Variants in CDH11 observed in about 807,000 individuals in gnomAD.
CDH11 encodes the protein cadherin 11, also known as cadherin-11.
A neutral mutation model predicts 67.8 loss-of-function variants in CDH11; 11 were observed. The observed-to-expected ratio is 0.16, with a 90% CI of 0.10 to 0.27. CDH11 has a LOEUF of 0.27. Ranked by LOEUF, CDH11 falls within the 10% of genes least tolerant of loss-of-function variation. The pLI, the probability that CDH11 is intolerant of heterozygous loss-of-function variation, is 1.00. For missense variants in CDH11, 847 were observed against 1,031.2 expected, an observed-to-expected ratio of 0.82 and a Z score of 2.45; for synonymous variants, 419 against 400.0, an observed-to-expected ratio of 1.05 and a Z score of -0.57.
chr16:65,079,505 G>A (rs904493325), intron 1 of CDH11, among the ~76,000 whole-genome samples: 4 of 152,192 alleles, frequency 2.6e-5, no homozygotes, highest in Admixed American at 2.6e-4. Context: ...ATGTGTGTGT[G>A]TGTGTTTGTG....
Position 65,108,092 on chromosome 16 carries a change from G to A in CDH11, c.-298+13788C>T, listed in dbSNP as rs544898043. 8.1e-4 allele frequency among the ~76,000 whole-genome samples: 123 copies of A among 152,226 alleles called. 1 individual carries two copies. The highest frequency in any genetic ancestry group is 2.9e-3 in the African/African-American group (120 of 41,542). On this transcript the variant is annotated intron_variant, in intron 1 of 12. Coordinates refer to ENST00000268603, the MANE Select transcript of CDH11 (RefSeq NM_001797.4). The stretch of plus-strand genomic sequence containing the variant: ...CCAATAAGAAAAGGACACTAGGCAC[G>A]TCTCTCTGTAAGTGAAAACTGTTGC...
chr16:65,044,588 G>A (rs1298373222), intron 2 of CDH11, among the ~76,000 whole-genome samples: 1 of 152,074 alleles, frequency 6.6e-6, no homozygotes, highest in East Asian at 1.9e-4. Context: ...CAGGGTCTAG[G>A]AGCCCCTGCT....
rs2071213312 is a variant in CDH11, at chr16:64,947,046, A to G, written c.*557T>C. On this transcript the variant is annotated 3_prime_UTR_variant, in exon 13 of 13. Coordinates refer to ENST00000268603, the MANE Select transcript of CDH11 (RefSeq NM_001797.4). ...TAGTTTAAGATGAAAGTAGAAGCAA[A>G]AAGATTTACAAGAATCAGCAGTAAC... 2 of 1,031,404 alleles carry G rather than the reference A, an allele frequency of 1.9e-6. No individual in the cohort carries two copies. The highest frequency in any genetic ancestry group is 9.2e-5 in the South Asian group (2 of 21,680). The allele number at this position is 1,031,404 out of a possible 1,614,324, so 63.9% of individuals were successfully genotyped here.
chr16:65,035,019 G>C (rs1350419699), intron 2 of CDH11, among the ~76,000 whole-genome samples: 2 of 152,260 alleles, frequency 1.3e-5, no homozygotes, highest in African/African-American at 4.8e-5. Flanking sequence ...ACTGACCCGA[G>C]AGGCCTGAAG....
chr16:65,068,206 G>A (rs1597154368), intron 1 of CDH11, among the ~76,000 whole-genome samples: 2 of 142,648 alleles, frequency 1.4e-5, no homozygotes, highest in South Asian at 4.6e-4. Context: ...GAGAAGAAGG[G>A]AAAGAGGAAG....
In CDH11 at chr16:65,121,699, T is replaced by A. The variant is rs987910664; in HGVS notation, c.-298+181A>T. 6.6e-6 allele frequency among the ~76,000 whole-genome samples: 1 copy of A among 152,198 alleles called. No individual in the cohort carries two copies. The highest frequency in any genetic ancestry group is 1.5e-5 in the Non-Finnish European group (1 of 68,022). ...CACAGCTGGCTCCCTTCTCCCTTTC[T>A]GATTTTTAAACAAATCTCTCCCTCC... On this transcript the variant is annotated intron_variant, in intron 1 of 12. Transcript: ENST00000268603. This position sits in a 1 kb window ranked among gnomAD's most constrained non-coding sequence, Gnocchi z 4.1.
intron 3 of CDH11, among the ~76,000 whole-genome samples, chr16:65,003,446 G>A (rs192693557): frequency 1.8e-4 from 27 of 152,054 alleles, no homozygotes; most frequent in African/African-American, 5.8e-4. Flanking sequence ...TAGTAGAGAC[G>A]GGGTTTCACC....
intron 1 of CDH11, among the ~76,000 whole-genome samples, chr16:65,117,216 C>T (rs1271940216): frequency 6.6e-6 from 1 of 152,208 alleles, no homozygotes; most frequent in Non-Finnish European, 1.5e-5. Context: ...ACTGTCTACG[C>T]ATTCCAACAC....
chr16:64,944,199 G>A lies in CDH11; in HGVS notation c.*3404C>T, dbSNP rs35154. On this transcript the variant is annotated 3_prime_UTR_variant, in exon 13 of 13. Transcript: ENST00000268603. ...GTTACGAAGTCATGTGATCTGGGTTGTGTGTTAAAAGTATCCCTCTGGCTT... is the reference window on the plus strand; with the variant it reads ...GTTACGAAGTCATGTGATCTGGGTTATGTGTTAAAAGTATCCCTCTGGCTT... 52,868 of 232,636 alleles carry A rather than the reference G, an allele frequency of 0.23. 6,545 individuals are homozygous for A. Among genetic ancestry groups the A allele is most frequent in the Non-Finnish European group, 0.28 (32,937 of 117,702 alleles). 14.4% of individuals were successfully genotyped at this position (232,636 alleles called of 1,614,324 possible).
intron 6 of CDH11, among the ~76,000 whole-genome samples, chr16:64,990,720 T>C (rs1165084116): frequency 1.3e-5 from 2 of 152,212 alleles, no homozygotes; most frequent in Non-Finnish European, 2.9e-5. Flanking sequence ...ATTACAATTA[T>C]TAATAATAAC....
At chr16:65,072,973 C>A (rs996988899) in intron 1 of CDH11, among the ~76,000 whole-genome samples, 2 of 152,214 alleles carry the variant, frequency 1.3e-5, no homozygotes, top group African/African-American at 4.8e-5. Flanking sequence ...TTAATAAAGG[C>A]TACCTACCTT....
intron 1 of CDH11, among the ~76,000 whole-genome samples, chr16:65,098,977 G>C (rs898196315): frequency 4.6e-5 from 7 of 152,106 alleles, no homozygotes; most frequent in African/African-American, 9.7e-5. Context: ...TTGATATATT[G>C]AGCAGAGAAC....
At chr16:65,040,180 T>C (rs2073838409) in intron 2 of CDH11, among the ~76,000 whole-genome samples, 2 of 152,312 alleles carry the variant, frequency 1.3e-5, no homozygotes, top group South Asian at 4.1e-4. Flanking sequence ...AGAAATACCA[T>C]TTAACCCAGC....
chr16:64,951,043 G>A (rs1410658737), intron 11 of CDH11, 25 bp from the exon 12 acceptor site: 7 of 1,604,280 alleles, frequency 4.4e-6, no homozygotes, highest in Middle Eastern at 1.7e-4. Context: ...GAGACAGGCC[G>A]TGCGCCCAGT....
chr16:65,081,397 T>C (rs961986062), intron 1 of CDH11, among the ~76,000 whole-genome samples: 16 of 151,990 alleles, frequency 1.1e-4, no homozygotes, highest in African/African-American at 3.9e-4. Context: ...TGAAACTCCC[T>C]CTCTACCAAA....
chr16:64,993,618 G>T (rs2072687319), intron 4 of CDH11, among the ~76,000 whole-genome samples: 1 of 152,236 alleles, frequency 6.6e-6, no homozygotes, highest in African/African-American at 2.4e-5. Flanking sequence ...ACCTGTAGCT[G>T]GTCTGGTAGC....
intron 1 of CDH11, among the ~76,000 whole-genome samples, chr16:65,063,221 C>A (rs1269361176): frequency 6.6e-6 from 1 of 152,050 alleles, no homozygotes; most frequent in African/African-American, 2.4e-5. Context: ...TGTGACTGCA[C>A]ACACACACAC....
chr16:64,948,716 T>G lies in CDH11; in HGVS notation c.1895-617A>C, dbSNP rs772749979. 61 of 1,604,364 alleles carry G rather than the reference T, an allele frequency of 3.8e-5. No individual in the cohort carries two copies. The Admixed American group carries it at 1.0e-3, about 26-fold the overall frequency. On this transcript the variant is annotated intron_variant, in intron 12 of 12. Transcript: ENST00000268603. ...TTTACTTTAACATAGGAAAATAGCA[T>G]CAGCTGGAAGCCCAGATAAAGCAAT...
chr16:65,029,348 T>C (rs907035820), intron 2 of CDH11, among the ~76,000 whole-genome samples: 5 of 152,096 alleles, frequency 3.3e-5, no homozygotes, highest in Non-Finnish European at 5.9e-5. Flanking sequence ...AAAAAGAAAC[T>C]ACTACATAGT....
Sources: allele counts gnomAD v4.1 joint callset (sites outside exome capture counted in the v4.1 genomes callset), GRCh38; gene constraint gnomAD v4.1.1; non-coding constraint Gnocchi (gnomAD v3.1); transcripts MANE v1.5; gene names NCBI Gene and HGNC (gene_info 2026-07-23, HGNC 2026-07-21).